The following CNTN6 variants were observed in gnomAD, a reference collection of about 807,000 sequenced individuals.
CNTN6 encodes contactin-6.
CNTN6 carries 137 observed loss-of-function variants against 122.8 expected under a neutral mutation model. The ratio of observed to expected loss-of-function variants is 1.12; its 90% CI spans 0.97 to 1.29. The LOEUF is 1.29. Ranked by LOEUF, CNTN6 falls within the 50% of genes most tolerant of loss-of-function variation. CNTN6 has a pLI of 0.00. For missense variants in CNTN6, 1,634 were observed against 1,223.4 expected (o/e 1.34, Z -5.01); for synonymous variants, 570 against 426.0 (o/e 1.34, Z -4.16).
intron 8 of CNTN6, among the ~76,000 whole-genome samples, chr3:1,322,666 TAAC>T (rs1217030292): frequency 6.6e-6 from 1 of 151,100 alleles, no homozygotes; most frequent in Non-Finnish European, 1.5e-5. Context: ...GTGTGTGTAA[TAAC>T]TAGAAAAATC....
At chr3:1,268,415 G>A (rs959461137) in intron 4 of CNTN6, among the ~76,000 whole-genome samples, 1 of 152,090 alleles carries the variant, frequency 6.6e-6, no homozygotes, top group African/African-American at 2.4e-5. Flanking sequence ...AGACCATCCT[G>A]GTTAATGTGG....
intron 7 of CNTN6, among the ~76,000 whole-genome samples, chr3:1,302,977 G>T (rs959683241): frequency 6.6e-6 from 1 of 151,822 alleles, no homozygotes; most frequent in Admixed American, 6.6e-5. Context: ...AGTTTGGGAG[G>T]TTCTATTGAT....
intron 2 of CNTN6, among the ~76,000 whole-genome samples, chr3:1,191,871 C>T (rs1324321536): frequency 6.6e-6 from 1 of 152,178 alleles, no homozygotes; most frequent in Admixed American, 6.5e-5. Context: ...AAACCCCATA[C>T]ATGTAATGTC....
At chr3:1,127,274 A>T (rs1256736581) in intron 1 of CNTN6, among the ~76,000 whole-genome samples, 1 of 151,824 alleles carries the variant, frequency 6.6e-6, no homozygotes, top group Non-Finnish European at 1.5e-5. Flanking sequence ...AAGTTAATTT[A>T]TTTGGAAACT....
At chr3:1,244,548 T>C (rs898917176) in intron 4 of CNTN6, among the ~76,000 whole-genome samples, 12 of 151,498 alleles carry the variant, frequency 7.9e-5, no homozygotes, top group African/African-American at 2.9e-4. Flanking sequence ...GGTAGAGAGG[T>C]AGGAACAAAG....
chr3:1,100,078 G>GT (rs1204315989), intron 1 of CNTN6, among the ~76,000 whole-genome samples: 1 of 152,036 alleles, frequency 6.6e-6, no homozygotes, highest in Non-Finnish European at 1.5e-5. Context: ...TTTTGTCAAG[G>GT]TTTTTTTAGA....
intron 1 of CNTN6, among the ~76,000 whole-genome samples, chr3:1,139,782 A>C (rs2092566926): frequency 6.6e-6 from 1 of 152,182 alleles, no homozygotes; most frequent in African/African-American, 2.4e-5. Flanking sequence ...AGCGAGGTAC[A>C]GAAGCAGCTG....
intron 4 of CNTN6, among the ~76,000 whole-genome samples, chr3:1,255,568 G>A (rs71309811): frequency 2.6e-5 from 4 of 152,058 alleles, no homozygotes; most frequent in Non-Finnish European, 5.9e-5. Context: ...TTGTATCCTA[G>A]GAACAGTAGA....
In CNTN6 at chr3:1,167,814, C is replaced by T. The variant is rs114960826; in HGVS notation, c.55+19751C>T. On this transcript the variant is annotated intron_variant, in intron 2 of 22. Coordinates refer to ENST00000446702, the MANE Select transcript of CNTN6 (RefSeq NM_001289080.2). ...TCAACAGAGTGAAGGGATGCTAACACCCAACATATATTGAGCACTCATATG... is the reference window on the plus strand; with the variant it reads ...TCAACAGAGTGAAGGGATGCTAACATCCAACATATATTGAGCACTCATATG... Among the ~76,000 whole-genome samples the T allele has an allele frequency of 8.4e-3, 1,272 of 152,298 alleles. 9 individuals carry two copies. Among genetic ancestry groups the T allele is most frequent in the Admixed American group, 0.014 (211 of 15,292 alleles).
At chr3:1,119,781 T>A (rs893382227) in intron 1 of CNTN6, among the ~76,000 whole-genome samples, 3 of 152,058 alleles carry the variant, frequency 2.0e-5, no homozygotes, top group Non-Finnish European at 4.4e-5. Context: ...TCCAGTTAAA[T>A]GAATTTGAAA....
At chr3:1,167,072 T>C (rs2125274904) in intron 2 of CNTN6, among the ~76,000 whole-genome samples, 1 of 144,166 alleles carries the variant, frequency 6.9e-6, no homozygotes, top group Admixed American at 6.9e-5. Context: ...GAAACAGTGG[T>C]TGTGAGAGAA....
At chr3:1,329,633 C>A in intron 10 of CNTN6, 152 bp from the exon 11 acceptor site, 1 of 538,296 alleles carries the variant, frequency 1.9e-6, no homozygotes, top group Non-Finnish European at 3.2e-6. Context: ...AATGTTAAGT[C>A]AGTATTTGGT....
At chr3:1,134,621 AT>A (rs1173142404) in intron 1 of CNTN6, among the ~76,000 whole-genome samples, 1 of 152,128 alleles carries the variant, frequency 6.6e-6, no homozygotes, top group Non-Finnish European at 1.5e-5. Flanking sequence ...AATATGAAGA[AT>A]TTATCCTCTG....
Position 1,170,433 on chromosome 3 carries a change from G to A in CNTN6, c.55+22370G>A, listed in dbSNP as rs560032678. Among the ~76,000 whole-genome samples the A allele has an allele frequency of 9.9e-5, 15 of 152,052 alleles. No individual in the cohort carries two copies. In the East Asian group the frequency reaches 2.9e-3, roughly 29 times the overall value. On this transcript the variant is annotated intron_variant, in intron 2 of 22. Transcript: ENST00000446702. ...TTAGTAGCAGAACCCGTTGAAAATC[G>A]AGTGTCTATTTAAATAACAAACCTG...
intron 1 of CNTN6, among the ~76,000 whole-genome samples, chr3:1,136,029 A>C (rs1228407487): frequency 6.6e-6 from 1 of 152,144 alleles, no homozygotes; most frequent in Non-Finnish European, 1.5e-5. Context: ...GTGGTTAGAG[A>C]GTCACTGATT....
At chr3:1,225,587 A>G (rs1019833102) in intron 3 of CNTN6, among the ~76,000 whole-genome samples, 1 of 152,220 alleles carries the variant, frequency 6.6e-6, no homozygotes, top group Non-Finnish European at 1.5e-5. Context: ...GATAGGGAAC[A>G]TGGAAGTCTA....
intron 17 of CNTN6, 128 bp downstream of exon 17, chr3:1,377,203 A>G (rs1710000329): frequency 5.3e-6 from 3 of 562,578 alleles, no homozygotes; most frequent in Non-Finnish European, 9.1e-6. Flanking sequence ...AAAATACATC[A>G]TCCTGATGAT....
intron 2 of CNTN6, among the ~76,000 whole-genome samples, chr3:1,170,400 A>G (rs1559447919): frequency 6.6e-6 from 1 of 152,126 alleles, no homozygotes; most frequent in Non-Finnish European, 1.5e-5. Flanking sequence ...TAAGCTAAAG[A>G]CCCACAGTTA....
chr3:1,191,417 GTCCC>G, intron 2 of CNTN6, among the ~76,000 whole-genome samples: 1 of 152,140 alleles, frequency 6.6e-6, no homozygotes, highest in Non-Finnish European at 1.5e-5. Flanking sequence ...CTCAACACCA[GTCCC>G]TAGCCTATGA....
Sources: allele counts gnomAD v4.1 joint callset (sites outside exome capture counted in the v4.1 genomes callset), GRCh38; gene constraint gnomAD v4.1.1; transcripts MANE v1.5; gene names NCBI Gene and HGNC (gene_info 2026-07-23, HGNC 2026-07-21).